The following ZNF438 variants were observed in gnomAD, a reference collection of about 807,000 sequenced individuals.
ZNF438 encodes the protein zinc finger protein 438.
ZNF438 carries 25 observed loss-of-function variants against 38.0 expected under a neutral mutation model. The observed-to-expected ratio is 0.66, with a 90% confidence interval of 0.48 to 0.92. The LOEUF (loss-of-function observed/expected upper bound fraction) is 0.92. ZNF438 is among the 40% of genes least tolerant of loss of function. The probability of loss-of-function intolerance (pLI) is 0.00; values close to 1 mark genes in which losing one functional copy is unlikely to be tolerated. For synonymous variants in ZNF438, 372 were observed against 364.1 expected, an observed-to-expected ratio of 1.02 and a Z score of -0.25; for missense variants, 1,007 against 999.6, an observed-to-expected ratio of 1.01 and a Z score of -0.10.
intron 1 of ZNF438, among the ~76,000 whole-genome samples, chr10:30,942,204 G>A (rs909855565): frequency 1.3e-5 from 2 of 152,198 alleles, no homozygotes; most frequent in African/African-American, 4.8e-5. Flanking sequence ...GAGAAATGGG[G>A]AGGGAGATCG....
intron 1 of ZNF438, among the ~76,000 whole-genome samples, chr10:30,998,718 C>A (rs369152388): frequency 1.3e-5 from 2 of 151,928 alleles, no homozygotes; most frequent in Non-Finnish European, 2.9e-5. Context: ...TATTTGACTT[C>A]AATAGTGAAA....
At chr10:30,874,192 A>C (rs2038055482) in intron 4 of ZNF438, among the ~76,000 whole-genome samples, 1 of 147,150 alleles carries the variant, frequency 6.8e-6, no homozygotes, top group African/African-American at 2.5e-5. Flanking sequence ...TCTGTTGTCC[A>C]GGCTGGAATG....
chr10:30,870,752 A>G (rs1235814109), intron 4 of ZNF438, among the ~76,000 whole-genome samples: 1 of 152,240 alleles, frequency 6.6e-6, no homozygotes, highest in Admixed American at 6.5e-5. Context: ...AATATCGCCT[A>G]GGAACAAATG....
intron 3 of ZNF438, among the ~76,000 whole-genome samples, chr10:30,893,842 G>A (rs546597920): frequency 2.6e-4 from 40 of 152,206 alleles, no homozygotes; most frequent in Admixed American, 1.0e-3. Context: ...CCTTCAGAAC[G>A]CATTCAAAAC....
intron 1 of ZNF438, among the ~76,000 whole-genome samples, chr10:30,991,380 G>A (rs574457009): frequency 7.2e-5 from 11 of 152,308 alleles, no homozygotes; most frequent in African/African-American, 2.6e-4. Context: ...TTCTACTCTA[G>A]GTGCAGCAGG....
chr10:30,942,115 C>T (rs965896059), intron 1 of ZNF438, among the ~76,000 whole-genome samples: 10 of 152,078 alleles, frequency 6.6e-5, no homozygotes, highest in African/African-American at 1.7e-4. Flanking sequence ...CAAGGCGCTA[C>T]GGGATTTTGG....
At chr10:30,903,287 G>T (rs1055074506) in intron 3 of ZNF438, among the ~76,000 whole-genome samples, 2 of 152,224 alleles carry the variant, frequency 1.3e-5, no homozygotes, top group African/African-American at 4.8e-5. Context: ...AGCACGGCCA[G>T]AATGGATGCC....
rs200681621 is a variant in ZNF438 at position 30,979,048 on chromosome 10, A to G, written c.-191-37397T>C. 5.3e-5 allele frequency among the ~76,000 whole-genome samples: 8 copies of G among 152,258 alleles called. No individual in the cohort carries two copies. In the East Asian group the frequency reaches 1.3e-3, roughly 26 times the overall value. ...TACACTACTCTGTAAATGGAACAAC[A>G]AAGCCTGGATGACAGCATGTCTGTT... On this transcript the variant is annotated intron_variant, in intron 1 of 5. Transcript: ENST00000413025.
intron 2 of ZNF438, among the ~76,000 whole-genome samples, chr10:30,912,418 G>A (rs993800239): frequency 2.6e-5 from 4 of 151,916 alleles, no homozygotes; most frequent in Non-Finnish European, 5.9e-5. Context: ...TGCCATCCTT[G>A]GCCACTGAAT....
intron 1 of ZNF438, among the ~76,000 whole-genome samples, chr10:30,991,330 G>A (rs1015879682): frequency 6.6e-6 from 1 of 152,202 alleles, no homozygotes; most frequent in Non-Finnish European, 1.5e-5. Flanking sequence ...GAGGGCCAGG[G>A]CTTCCTTACT....
At chr10:30,886,952 G>A (rs2040027825) in intron 3 of ZNF438, among the ~76,000 whole-genome samples, 1 of 152,120 alleles carries the variant, frequency 6.6e-6, no homozygotes, top group African/African-American at 2.4e-5. Context: ...ATTTTATGAT[G>A]ATTTGACATC....
At chr10:30,846,216 G>A (rs916916209) in intron 5 of ZNF438, among the ~76,000 whole-genome samples, 5 of 152,202 alleles carry the variant, frequency 3.3e-5, no homozygotes, top group Non-Finnish European at 5.9e-5. Context: ...TGGCAAGAGC[G>A]TCTGTTTTCA....
At chr10:30,845,743 T>C (rs1428054485) in intron 5 of ZNF438, among the ~76,000 whole-genome samples, 170 bp from the exon 7 acceptor site, 2 of 152,188 alleles carry the variant, frequency 1.3e-5, no homozygotes, top group Admixed American at 6.5e-5. Flanking sequence ...CCGTGGTGAA[T>C]ACTAATTGTC....
intron 2 of ZNF438, among the ~76,000 whole-genome samples, chr10:30,934,897 G>C (rs1417657771): frequency 6.6e-6 from 1 of 152,206 alleles, no homozygotes; most frequent in Admixed American, 6.5e-5. Flanking sequence ...CAGTGAGACA[G>C]CTTGGAATAC....
chr10:30,893,692 A>G (rs569941785), intron 3 of ZNF438, among the ~76,000 whole-genome samples: 3 of 152,172 alleles, frequency 2.0e-5, no homozygotes, highest in Non-Finnish European at 4.4e-5. Flanking sequence ...TGTGAACCCA[A>G]TTAACCCAAT....
At chr10:30,913,622 T>C (rs2043293789) in intron 2 of ZNF438, among the ~76,000 whole-genome samples, 1 of 152,038 alleles carries the variant, frequency 6.6e-6, no homozygotes, top group Non-Finnish European at 1.5e-5. Context: ...AGGAAAGAAG[T>C]ATCTTAGTCA....
intron 2 of ZNF438, among the ~76,000 whole-genome samples, chr10:30,933,781 G>A (rs2045938293): frequency 6.6e-6 from 1 of 152,006 alleles, no homozygotes; most frequent in Non-Finnish European, 1.5e-5. Flanking sequence ...ACTTGACCTG[G>A]CCCCAATTGC....
chr10:30,932,047 C>A (rs554736380), intron 2 of ZNF438, among the ~76,000 whole-genome samples: 1 of 151,848 alleles, frequency 6.6e-6, no homozygotes, highest in Admixed American at 6.5e-5. Context: ...CCTGGAGTAA[C>A]TTCCTTCATT....
intron 1 of ZNF438, among the ~76,000 whole-genome samples, chr10:30,997,929 T>TA (rs1167921266): frequency 2.6e-5 from 4 of 152,172 alleles, no homozygotes; most frequent in African/African-American, 9.7e-5. Flanking sequence ...AGTCTGATGA[T>TA]AAGAGTTAGC....
Sources: gnomAD v4.1 joint callset for allele counts (sites outside exome capture counted in the v4.1 genomes callset) on GRCh38, gnomAD v4.1.1 for gene constraint, MANE v1.5 for transcripts, NCBI Gene and HGNC (gene_info 2026-07-23, HGNC 2026-07-21) for gene names.